Variants in FRMPD1 observed in about 807,000 individuals in gnomAD.
FRMPD1 encodes the protein FERM and PDZ domain containing 1, also known as FERM and PDZ domain-containing protein 1.
A neutral mutation model predicts 117.8 loss-of-function variants in FRMPD1; 76 were observed. That is an observed-to-expected ratio of 0.65 (90% CI 0.54 to 0.78). FRMPD1 has a LOEUF of 0.78. Ranked by LOEUF, FRMPD1 falls within the 30% of genes least tolerant of loss-of-function variation. FRMPD1 has a pLI of 0.00. For synonymous variants in FRMPD1, 783 were observed against 770.4 expected, an observed-to-expected ratio of 1.02 and a Z score of -0.27; for missense variants, 1,786 against 1,964.5, an observed-to-expected ratio of 0.91 and a Z score of 1.72.
intron 2 of FRMPD1, 102 bp from the exon 3 acceptor site, chr9:37,707,307 GTGTCTGC>G: frequency 1.3e-6 from 1 of 776,242 alleles, no homozygotes; most frequent in Admixed American, 2.7e-5. Flanking sequence ...AGGAGAATTG[GTGTCTGC>G]TCAGTTCTGC....
intron 10 of FRMPD1, among the ~76,000 whole-genome samples, chr9:37,733,100 C>G (rs1016837432): frequency 1.3e-5 from 2 of 152,152 alleles, no homozygotes; most frequent in African/African-American, 4.8e-5. Context: ...GAAGCTTAGC[C>G]TAGGGGATTC....
the FRMPD1 span, among the ~76,000 whole-genome samples, chr9:37,614,717 G>T: frequency 1.3e-5 from 2 of 152,226 alleles, no homozygotes; most frequent in Admixed American, 1.3e-4. Context: ...AACTAGAATT[G>T]CTGAAGGTTT....
At chr9:37,609,551 T>G in the FRMPD1 span, among the ~76,000 whole-genome samples, 156 of 152,172 alleles carry the variant, frequency 1.0e-3, 1 homozygote, top group Non-Finnish European at 2.0e-3. Context: ...AGAATCAGAG[T>G]ACTTCTCACT....
chr9:37,605,040 G>A, the FRMPD1 span, among the ~76,000 whole-genome samples: 2 of 152,234 alleles, frequency 1.3e-5, no homozygotes, highest in African/African-American at 2.4e-5. Flanking sequence ...GTACATTGTG[G>A]AGCTGGAATA....
At chr9:37,606,681 A>G in the FRMPD1 span, among the ~76,000 whole-genome samples, 5 of 152,376 alleles carry the variant, frequency 3.3e-5, 1 homozygote, top group African/African-American at 1.2e-4. Flanking sequence ...AAAACAAAAA[A>G]GATTCCCTTT....
intron 2 of FRMPD1, among the ~76,000 whole-genome samples, chr9:37,701,991 G>C (rs1822550040): frequency 6.6e-6 from 1 of 152,184 alleles, no homozygotes; most frequent in Admixed American, 6.5e-5. Flanking sequence ...GGATGACTCT[G>C]GGATTCTGGC....
chr9:37,663,635 G>A (rs1821065691), intron 1 of FRMPD1, among the ~76,000 whole-genome samples: 1 of 152,106 alleles, frequency 6.6e-6, no homozygotes, highest in South Asian at 2.1e-4. Context: ...CTAACCTCGT[G>A]ACTTTGCCTC....
At chr9:37,727,955 T>C (rs1267285562) in intron 7 of FRMPD1, 2 of 152,240 alleles carry the variant, frequency 1.3e-5, no homozygotes, top group African/African-American at 4.8e-5. Context: ...GCATCTATTA[T>C]GTGCCAAGCA....
chr9:37,669,206 G>A (rs67952628), intron 1 of FRMPD1, among the ~76,000 whole-genome samples: 8,794 of 152,252 alleles, frequency 0.058, 297 homozygotes, highest in Non-Finnish European at 0.077. Flanking sequence ...TAACTTTTCC[G>A]TATGTCTTAA....
At chr9:37,714,665 G>A (rs1455922487) in intron 5 of FRMPD1, among the ~76,000 whole-genome samples, 1 of 147,836 alleles carries the variant, frequency 6.8e-6, no homozygotes, top group Non-Finnish European at 1.5e-5. Context: ...ATTTATTTTT[G>A]AGATGAAGTC....
intron 9 of FRMPD1, 85 bp downstream of exon 9, chr9:37,731,188 A>C: frequency 8.6e-7 from 1 of 1,157,090 alleles, no homozygotes; most frequent in Non-Finnish European, 1.3e-6. Context: ...GCTCGAGGCC[A>C]TTAAACAACT....
chr9:37,690,010 T>C (rs1002687161), intron 1 of FRMPD1, among the ~76,000 whole-genome samples: 3 of 152,120 alleles, frequency 2.0e-5, no homozygotes, highest in African/African-American at 7.2e-5. Context: ...TTCACTAGGG[T>C]GGGCAATTAG....
intron 1 of FRMPD1, among the ~76,000 whole-genome samples, chr9:37,683,575 G>A (rs1289937478): frequency 6.6e-6 from 1 of 152,214 alleles, no homozygotes; most frequent in Non-Finnish European, 1.5e-5. Flanking sequence ...ACTAGGCAAA[G>A]GAACAGTATC....
chr9:37,700,066 C>A (rs1239556301), intron 2 of FRMPD1, among the ~76,000 whole-genome samples: 1 of 152,076 alleles, frequency 6.6e-6, no homozygotes, highest in Admixed American at 6.6e-5. Flanking sequence ...TTCTGTTGAC[C>A]TTTCTAATAC....
intron 1 of FRMPD1, among the ~76,000 whole-genome samples, chr9:37,678,236 C>T (rs1418804127): frequency 6.8e-6 from 1 of 146,402 alleles, no homozygotes; most frequent in Non-Finnish European, 1.5e-5. Flanking sequence ...CTCTTTTCCC[C>T]TCTAGTACTT....
Position 37,746,062 on chromosome 9 carries a change from T to C in FRMPD1, c.4030T>C (p.Phe1344Leu). ...CTGTCAGTTCTCCTATGCCACATGCTTCCGTGGCCCGCAGCCTGAGACAGA... is the reference window on the plus strand; with the variant it reads ...CTGTCAGTTCTCCTATGCCACATGCCTCCGTGGCCCGCAGCCTGAGACAGA... The part of the protein sequence containing the change: ...CSCQFSYATC[F>L]RGPQPETEEE... Residue 1344 changes from phenylalanine (F) to leucine (L), a missense_variant, in exon 16 of 16, where the codon TTC (phenylalanine) becomes CTC (leucine). Phe to Leu is a conservative substitution (Grantham distance 22, BLOSUM62 0). Coordinates refer to ENST00000377765, the MANE Select transcript of FRMPD1 (RefSeq NM_014907.3). 6.2e-7 allele frequency: 1 copy of C among 1,614,162 alleles called. No individual in the cohort carries two copies. Among genetic ancestry groups the C allele is most frequent in the Non-Finnish European group, 8.5e-7 (1 of 1,180,006 alleles).
intron 1 of FRMPD1, among the ~76,000 whole-genome samples, chr9:37,660,054 AC>A (rs1360748330): frequency 6.6e-6 from 1 of 151,596 alleles, no homozygotes; most frequent in African/African-American, 2.4e-5. Context: ...CAGACTCTCC[AC>A]TCATTGCTGC....
At chr9:37,638,743 C>A in the FRMPD1 span, among the ~76,000 whole-genome samples, 16 of 152,200 alleles carry the variant, frequency 1.1e-4, no homozygotes, top group Non-Finnish European at 2.2e-4. Context: ...TTAGTAAGAT[C>A]TTGAGTGCTC....
intron 2 of FRMPD1, among the ~76,000 whole-genome samples, chr9:37,702,052 C>T (rs763771711): frequency 1.4e-4 from 22 of 152,108 alleles, no homozygotes; most frequent in Non-Finnish European, 2.4e-4. Flanking sequence ...CTCTGAGACA[C>T]GGAGAAGATA....
Sources: allele counts gnomAD v4.1 joint callset (sites outside exome capture counted in the v4.1 genomes callset), GRCh38; gene constraint gnomAD v4.1.1; transcripts MANE v1.5; gene names NCBI Gene and HGNC (gene_info 2026-07-23, HGNC 2026-07-21).